FAM107B: variants seen among roughly 807,000 people sequenced by gnomAD.
FAM107B encodes protein FAM107B.
Under a neutral mutation model 31.5 loss-of-function variants are expected in FAM107B, and 21 were observed. The observed-to-expected ratio is 0.67, with a 90% CI of 0.47 to 0.96. The LOEUF is 0.96. Among genes scored for constraint, FAM107B ranks in the 40% least tolerant of loss-of-function variants. The pLI is 0.00. For missense variants in FAM107B, 452 were observed against 377.1 expected, an observed-to-expected ratio of 1.20 and a Z score of -1.64; for synonymous variants, 157 against 141.5, an observed-to-expected ratio of 1.11 and a Z score of -0.78.
chr10:14,577,718 A>G (rs1851508885), intron 2 of FAM107B, among the ~76,000 whole-genome samples: 1 of 152,222 alleles, frequency 6.6e-6, no homozygotes. Flanking sequence ...CTCTGCTTAT[A>G]ACGTAACAAC....
chr10:14,528,043 C>A (rs1482728199), intron 3 of FAM107B: 4 of 377,304 alleles, frequency 1.1e-5, no homozygotes, highest in South Asian at 2.0e-5. Flanking sequence ...CAAAATCCTT[C>A]AAAGAAAAGG....
At chr10:14,687,845 A>G (rs1189297783) in intron 1 of FAM107B, among the ~76,000 whole-genome samples, 2 of 152,206 alleles carry the variant, frequency 1.3e-5, no homozygotes, top group Non-Finnish European at 2.9e-5. Context: ...CCACACACAC[A>G]TACGTGCACA....
At position 14,774,585 on chromosome 10, in the gene FAM107B, G is replaced by A. The variant is rs370813190; in HGVS notation, c.79C>T (p.Leu27=). Residue 27 remains leucine, a synonymous_variant, in exon 1 of 5, where the codon CTG becomes TTG. Transcript: ENST00000181796. ...RSMHPFPCSA[L]LACFGNTRES... is the part of the protein sequence containing the mutation. ...CTCGTATTCCCAAAACAGGCGAGCAGAGCTGAGCACGGAAATGGATGCATG... is the reference window on the plus strand; with the variant it reads ...CTCGTATTCCCAAAACAGGCGAGCAAAGCTGAGCACGGAAATGGATGCATG... 2.5e-6 allele frequency: 4 copies of A among 1,614,094 alleles called. No homozygotes were observed. Among genetic ancestry groups the A allele is most frequent in the Admixed American group, 1.7e-5 (1 of 60,012 alleles).
intron 1 of FAM107B, among the ~76,000 whole-genome samples, chr10:14,710,479 A>AC (rs1855620467): frequency 1.4e-5 from 2 of 147,798 alleles, no homozygotes; most frequent in South Asian, 4.4e-4. Context: ...CACACACACA[A>AC]AATGTTTAAA....
chr10:14,597,977 C>G (rs1852242330), intron 2 of FAM107B, among the ~76,000 whole-genome samples: 1 of 152,000 alleles, frequency 6.6e-6, no homozygotes, highest in African/African-American at 2.4e-5. Flanking sequence ...AAAAAAAACT[C>G]CGAGTTGAAA....
intron 1 of FAM107B, among the ~76,000 whole-genome samples, chr10:14,683,523 T>C (rs1854897379): frequency 6.6e-6 from 1 of 152,352 alleles, no homozygotes; most frequent in Non-Finnish European, 1.5e-5. Flanking sequence ...TTCAACCTGC[T>C]GGTCTAAAAT....
intron 1 of FAM107B, among the ~76,000 whole-genome samples, chr10:14,753,980 C>T (rs1466924141): frequency 1.3e-5 from 2 of 150,782 alleles, no homozygotes; most frequent in Admixed American, 1.3e-4. Flanking sequence ...TTGCTGTCAC[C>T]CAGGCTGGAG....
At chr10:14,770,213 A>T (rs941320372) in intron 1 of FAM107B, among the ~76,000 whole-genome samples, 1 of 152,138 alleles carries the variant, frequency 6.6e-6, no homozygotes, top group Admixed American at 6.5e-5. Flanking sequence ...GGAAGAGCAT[A>T]ATAACTACTG....
chr10:14,530,409 A>T lies in FAM107B; in HGVS notation c.576T>A (p.Pro192=), dbSNP rs751798016. 1.2e-6 allele frequency: 2 copies of T among 1,614,098 alleles called. No individual in the cohort carries two copies. The highest frequency in any genetic ancestry group is 4.5e-5 in the East Asian group (2 of 44,878). Residue 192 remains proline (P), a synonymous_variant, in exon 3 of 5, where the codon CCT becomes CCA. Coordinates refer to ENST00000181796, the MANE Select transcript of FAM107B (RefSeq NM_031453.4). Reference sequence around the variant, plus strand: ...TTTTTACAGGATTGATCAGTTTCTGAGGCCTAATGAGTTCAGGATTGTCAT... The same window carrying T: ...TTTTTACAGGATTGATCAGTTTCTGTGGCCTAATGAGTTCAGGATTGTCAT... The part of the protein sequence containing the change: ...IEDDNPELIR[P]QKLINPVKTS...
At chr10:14,652,198 A>G (rs551810928) in intron 2 of FAM107B, among the ~76,000 whole-genome samples, 57 of 152,270 alleles carry the variant, frequency 3.7e-4, no homozygotes, top group African/African-American at 1.4e-3. Context: ...CTTCATCTCA[A>G]TCAAAGCATG....
intron 2 of FAM107B, chr10:14,663,270 T>C (rs926388253): frequency 7.9e-5 from 12 of 152,370 alleles, no homozygotes; most frequent in African/African-American, 2.9e-4. Flanking sequence ...TGTGAGTCTA[T>C]ACTCCTCAAT....
At chr10:14,752,479 C>T (rs1832849136) in intron 1 of FAM107B, among the ~76,000 whole-genome samples, 1 of 152,172 alleles carries the variant, frequency 6.6e-6, no homozygotes, top group African/African-American at 2.4e-5. Flanking sequence ...CATATAGGTT[C>T]TAGTAAACCT....
At chr10:14,724,357 A>G (rs561374923) in intron 1 of FAM107B, among the ~76,000 whole-genome samples, 18 of 152,342 alleles carry the variant, frequency 1.2e-4, no homozygotes, top group African/African-American at 4.1e-4. Context: ...TGTTGAAACC[A>G]CTATTATTTC....
At chr10:14,554,547 C>T (rs928074682) in intron 2 of FAM107B, among the ~76,000 whole-genome samples, 1 of 152,150 alleles carries the variant, frequency 6.6e-6, no homozygotes, top group Non-Finnish European at 1.5e-5. Flanking sequence ...TGGACTGGAC[C>T]AGTTGAGACT....
chr10:14,703,991 A>T (rs1363638336), intron 1 of FAM107B, among the ~76,000 whole-genome samples: 6 of 152,214 alleles, frequency 3.9e-5, no homozygotes, highest in Admixed American at 6.5e-5. Context: ...AAATGTTTGG[A>T]CAGAAAACTG....
intron 2 of FAM107B, among the ~76,000 whole-genome samples, chr10:14,629,390 TAA>T (rs1228222734): frequency 0.14 from 9,089 of 66,872 alleles, 1,035 homozygotes; most frequent in East Asian, 0.23. Context: ...ATAATATATA[TAA>T]TATATATTAT....
intron 2 of FAM107B, among the ~76,000 whole-genome samples, chr10:14,544,484 G>T (rs1848523715): frequency 1.3e-5 from 2 of 152,098 alleles, no homozygotes; most frequent in Admixed American, 1.3e-4. Flanking sequence ...AAATACACGT[G>T]AAAAAAGTTA....
chr10:14,528,554 T>A (rs1163294278), intron 3 of FAM107B, among the ~76,000 whole-genome samples: 1 of 152,166 alleles, frequency 6.6e-6, no homozygotes, highest in African/African-American at 2.4e-5. Flanking sequence ...CAAGAGGGGA[T>A]ACCTTGGCCA....
chr10:14,564,898 T>C (rs1850534657), intron 2 of FAM107B, among the ~76,000 whole-genome samples: 1 of 152,180 alleles, frequency 6.6e-6, no homozygotes, highest in Non-Finnish European at 1.5e-5. Context: ...ACACTTTCGT[T>C]CTAAAACAAC....
Sources: gnomAD v4.1 joint callset for allele counts (sites outside exome capture counted in the v4.1 genomes callset) on GRCh38, gnomAD v4.1.1 for gene constraint, MANE v1.5 for transcripts, NCBI Gene and HGNC (gene_info 2026-07-23, HGNC 2026-07-21) for gene names.